Variants in SMARCA4 observed in about 807,000 individuals in gnomAD.
SMARCA4 encodes SWI/SNF-related matrix-associated actin-dependent regulator of chromatin subfamily A member 4.
SMARCA4 carries 31 observed loss-of-function variants against 193.9 expected under a neutral mutation model. The observed-to-expected ratio is 0.16, with a 90% CI of 0.12 to 0.22. The LOEUF (loss-of-function observed/expected upper bound fraction) is 0.22. Among genes scored for constraint, SMARCA4 ranks in the 10% least tolerant of loss-of-function variants. SMARCA4 has a pLI of 1.00. For missense variants in SMARCA4, 1,148 were observed against 2,296.0 expected (o/e 0.50, Z 10.22); for synonymous variants, 942 against 933.1 (o/e 1.01, Z -0.17).
At position 10,991,311 on chromosome 19, in the gene SMARCA4, G is replaced by A. The variant is rs1600024645; in HGVS notation, c.1407G>A (p.Arg469=). The A allele has an allele frequency of 2.5e-6, 4 of 1,600,936 alleles. No individual in the cohort carries two copies. Among genetic ancestry groups the A allele is most frequent in the East Asian group, 2.3e-5 (1 of 44,308 alleles). ...QQKIEQERKR[R]QKHQEYLNSI... ...AGATCGAGCAGGAGCGCAAGCGCCG[G>A]CAGAAGCACCAGGTACGCTCCGGTG... The change falls in exon 8 of 35, where the codon CGG becomes CGA. Residue 469 remains arginine, a synonymous_variant. Coordinates refer to ENST00000344626, the MANE Select transcript of SMARCA4 (RefSeq NM_003072.5).
Position 11,060,079 on chromosome 19 carries a change from G to C in SMARCA4, c.4803G>C (p.Arg1601=). The change falls in exon 34 of 35, where the codon CGG becomes CGC. Residue 1601 remains arginine (R), a synonymous_variant. Transcript: ENST00000344626. ...RSVKVKIKLG[R]KEKAQDRLKG... is the part of the protein sequence containing the mutation. ...TCAAAGTGAAGATCAAGCTTGGCCG[G>C]AAGGAGAAGGCACAGGACCGGCTGA... is the stretch of plus-strand genomic sequence containing the variant. 1 of 1,554,306 alleles carries C rather than the reference G, an allele frequency of 6.4e-7. No homozygotes were observed. The highest frequency in any genetic ancestry group is 1.2e-5 in the South Asian group (1 of 84,364).
In SMARCA4 at chr19:11,034,013, C is replaced by T. The variant is rs770152173; in HGVS notation, c.3874-110C>T. The T allele has an allele frequency of 2.1e-5, 18 of 837,216 alleles. No homozygotes were observed. Among genetic ancestry groups the T allele is most frequent in the African/African-American group, 1.3e-4 (8 of 60,296 alleles). The allele number at this position is 837,216 out of a possible 1,614,324, so 51.9% of individuals were successfully genotyped here. Reference sequence around the variant, plus strand: ...CGTGTGGGTCCCCATCCACCGCAGCCGTGCCGGGACCACCAGCTCATTCCC... The same window carrying T: ...CGTGTGGGTCCCCATCCACCGCAGCTGTGCCGGGACCACCAGCTCATTCCC... On this transcript the variant is annotated intron_variant, in intron 27 of 34. Transcript: ENST00000344626. The surrounding 1 kb of genome is among the most constrained non-coding windows in gnomAD (Gnocchi z 7.0).
chr19:10,972,758 A>G lies in SMARCA4; in HGVS notation c.-31-11363A>G, dbSNP rs146816075. Among the ~76,000 whole-genome samples, 246 of 152,252 alleles carry G rather than the reference A, an allele frequency of 1.6e-3. 1 individual carries two copies. The Middle Eastern group carries it at 0.017, about 11-fold the overall frequency. On this transcript the variant is annotated intron_variant, in intron 1 of 34. Transcript: ENST00000344626. ...CTCAGTGTTGCGTATATAGCTGATA[A>G]CACAGCAGACCCGGTGGTGGCGCAG...
At chr19:10,963,305 G>C (rs1167846064) in intron 1 of SMARCA4, among the ~76,000 whole-genome samples, 1 of 150,788 alleles carries the variant, frequency 6.6e-6, no homozygotes, top group Non-Finnish European at 1.5e-5. Flanking sequence ...CCAGAGAGGT[G>C]GAGGCTGCAG....
rs756506405 is a variant in SMARCA4 at position 10,996,408 on chromosome 19, C to T, written c.1761+28C>T. On this transcript the variant is annotated intron_variant, in intron 10 of 34. Transcript: ENST00000344626. ...GTGCTGGGCCTGGCATGGTGCCCGC[C>T]GCGGGTGGGATGGGAGCAGCCGTCT... 2.1e-5 allele frequency: 34 copies of T among 1,614,030 alleles called. 1 individual carries two copies. Among genetic ancestry groups the T allele is most frequent in the South Asian group, 1.6e-4 (15 of 91,066 alleles).
intron 11 of SMARCA4, among the ~76,000 whole-genome samples, chr19:11,000,227 CA>C (rs113601283): frequency 0.086 from 9,457 of 109,420 alleles, 299 homozygotes; most frequent in South Asian, 0.14. Flanking sequence ...GATTCTGTCT[CA>C]AAAAAAAAAA....
intron 13 of SMARCA4, among the ~76,000 whole-genome samples, chr19:11,006,876 G>A (rs2088261449): frequency 6.6e-6 from 1 of 151,902 alleles, no homozygotes; most frequent in African/African-American, 2.4e-5. Flanking sequence ...CTTGAGCTCA[G>A]GAGTTTGAGA....
rs1356806144 is a variant in SMARCA4, at chr19:10,985,073, A to T, written c.223-200A>T. ...CCATATGCTCGTGCTCCACTGGGCG[A>T]CATTTATTTTGTGTACCTGTCTCGA... is the stretch of plus-strand genomic sequence containing the variant. On this transcript the variant is annotated intron_variant, in intron 2 of 34. Transcript: ENST00000344626. This position sits in a 1 kb window ranked among gnomAD's most constrained non-coding sequence, Gnocchi z 4.5. 1.3e-5 allele frequency among the ~76,000 whole-genome samples: 2 copies of T among 151,982 alleles called. No individual in the cohort carries two copies. Among genetic ancestry groups the T allele is most frequent in the African/African-American group, 4.8e-5 (2 of 41,372 alleles).
rs2086003435 is a variant in SMARCA4 at position 10,986,119 on chromosome 19, AG to A, written c.356-65del. ...CCTGTCTCAGAGTAGGAGCTGGTGT[AG>A]GGGGAAGAGGCTGTAAAAATCACAG... On this transcript the variant is annotated intron_variant, in intron 3 of 34. Transcript: ENST00000344626. This position sits in a 1 kb window ranked among gnomAD's most constrained non-coding sequence, Gnocchi z 6.7. The A allele has an allele frequency of 7.7e-7, 1 of 1,290,876 alleles. No homozygotes were observed. The highest frequency in any genetic ancestry group is 1.5e-5 in the African/African-American group (1 of 68,946). The allele number at this position is 1,290,876 out of a possible 1,614,324, so 80.0% of individuals were successfully genotyped here. A position where few individuals can be genotyped will look rare whatever the true frequency, so the allele number is the denominator to read the frequency against.
Position 11,026,666 on chromosome 19 carries a change from T to G in SMARCA4, c.3215+320T>G, listed in dbSNP as rs372768183. ...CGGCACCTGCCACCACCCAGCTAAT[T>G]TTTTGTATTTTTAGTAGAGATGGGG... On this transcript the variant is annotated intron_variant, in intron 23 of 34. Coordinates refer to ENST00000344626, the MANE Select transcript of SMARCA4 (RefSeq NM_003072.5). Among the ~76,000 whole-genome samples the G allele has an allele frequency of 9.3e-3, 1,420 of 152,086 alleles. 20 individuals are homozygous for G. The highest frequency in any genetic ancestry group is 0.033 in the African/African-American group (1,357 of 41,476).
intron 30 of SMARCA4, among the ~76,000 whole-genome samples, chr19:11,057,436 C>T (rs1332565267): frequency 1.3e-5 from 2 of 152,188 alleles, no homozygotes; most frequent in Non-Finnish European, 2.9e-5. Flanking sequence ...AGCAGAGATC[C>T]AGATGCATCC....
intron 30 of SMARCA4, among the ~76,000 whole-genome samples, chr19:11,049,572 C>T (rs2146956751): frequency 6.6e-6 from 1 of 151,790 alleles, no homozygotes; most frequent in Middle Eastern, 3.4e-3. Flanking sequence ...GCAACCTCTG[C>T]CTCCCTCCCT....
At chr19:11,039,388 C>T in intron 29 of SMARCA4, 2 of 833,144 alleles carry the variant, frequency 2.4e-6, no homozygotes, top group Non-Finnish European at 1.9e-6. Flanking sequence ...TGCCCAAGAA[C>T]AAGGGGAGGC....
At position 11,041,565 on chromosome 19, in the gene SMARCA4, G is replaced by A. The variant is rs756617788; in HGVS notation, c.4424+5G>A. On this transcript the variant is annotated splice_donor_5th_base_variant and intron_variant, in intron 30 of 34. Transcript: ENST00000344626. This position sits in a 1 kb window ranked among gnomAD's most constrained non-coding sequence, Gnocchi z 5.6. ...CGTGATCAAGTACAAGGACAGGTAAGCGAGGAGGCGGGGAGGGCGGGGGCT... is the reference window on the plus strand; with the variant it reads ...CGTGATCAAGTACAAGGACAGGTAAACGAGGAGGCGGGGAGGGCGGGGGCT... 6.2e-7 allele frequency: 1 copy of A among 1,611,866 alleles called. No homozygotes were observed. The highest frequency in any genetic ancestry group is 8.5e-7 in the Non-Finnish European group (1 of 1,179,448).
intron 11 of SMARCA4, among the ~76,000 whole-genome samples, chr19:11,000,433 TA>T (rs988981405): frequency 2.6e-5 from 4 of 151,880 alleles, no homozygotes; most frequent in Admixed American, 6.6e-5. Context: ...GAGGCTGAGG[TA>T]GGGGGATAAC....
intron 1 of SMARCA4, among the ~76,000 whole-genome samples, chr19:10,976,313 G>A (rs1316138353): frequency 6.6e-6 from 1 of 152,010 alleles, no homozygotes; most frequent in Non-Finnish European, 1.5e-5. Context: ...GGTGCACCCA[G>A]CCCCACACCC....
At chr19:11,006,949 T>C (rs187111484) in intron 13 of SMARCA4, among the ~76,000 whole-genome samples, 1 of 151,452 alleles carries the variant, frequency 6.6e-6, no homozygotes, top group African/African-American at 2.4e-5. Context: ...TAGCCAAGTG[T>C]CATAGTGCAC....
chr19:10,973,299 G>A (rs1256420563), intron 1 of SMARCA4, among the ~76,000 whole-genome samples: 1 of 152,134 alleles, frequency 6.6e-6, no homozygotes, highest in Non-Finnish European at 1.5e-5. Context: ...TTGCAGGCTT[G>A]CAGTGTAGAC....
At position 11,061,720 on chromosome 19, in the gene SMARCA4, TCCCTGGCAAGGTG is replaced by T. The variant is rs1004320359; in HGVS notation, c.4912-55_4912-43del. ...GCAAGTTTATTTAAAGTTTGGCAGG[TCCCTGGCAAGGTG>T]CCCTGGCAGGGGTGGCCAACGCACA... On this transcript the variant is annotated intron_variant, in intron 34 of 34. Coordinates refer to ENST00000344626, the MANE Select transcript of SMARCA4 (RefSeq NM_003072.5). The T allele has an allele frequency of 3.4e-6, 5 of 1,483,120 alleles. No individual in the cohort carries two copies. In the Admixed American group the frequency reaches 8.4e-5, roughly 25 times the overall value. 91.9% of individuals were successfully genotyped at this position (1,483,120 alleles called of 1,614,324 possible). A position where few individuals can be genotyped will look rare whatever the true frequency, so the allele number is the denominator to read the frequency against.
Sources: gnomAD v4.1 joint callset for allele counts (sites outside exome capture counted in the v4.1 genomes callset) on GRCh38, gnomAD v4.1.1 for gene constraint, Gnocchi (gnomAD v3.1) non-coding constraint, MANE v1.5 for transcripts, NCBI Gene and HGNC (gene_info 2026-07-23, HGNC 2026-07-21) for gene names.